Variants in DDX60 observed in about 807,000 individuals in gnomAD.
DDX60 encodes DExD/H-box helicase 60, also known as probable ATP-dependent RNA helicase DDX60.
In DDX60, 165 loss-of-function variants were observed where a neutral mutation model predicts 212.8. That is an observed-to-expected ratio of 0.78 (90% confidence interval 0.68 to 0.88). DDX60 has a LOEUF of 0.88. Ranked by LOEUF, DDX60 falls within the 40% of genes least tolerant of loss-of-function variation. DDX60 has a pLI of 0.00. For missense variants in DDX60, 1,905 were observed against 2,003.9 expected (o/e 0.95, Z 0.94); for synonymous variants, 703 against 685.3 (o/e 1.03, Z -0.40).
intron 25 of DDX60, among the ~76,000 whole-genome samples, chr4:168,258,676 T>C (rs1387265319): frequency 6.6e-6 from 1 of 152,198 alleles, no homozygotes; most frequent in Non-Finnish European, 1.5e-5. Flanking sequence ...TGAAATATTT[T>C]AGTTTTAAAA....
At chr4:168,304,757 C>T (rs1327838735) in intron 5 of DDX60, among the ~76,000 whole-genome samples, 1 of 151,808 alleles carries the variant, frequency 6.6e-6, no homozygotes, top group South Asian at 2.1e-4. Context: ...GTTTGTACAG[C>T]TGTCAAAAAA....
intron 19 of DDX60, among the ~76,000 whole-genome samples, chr4:168,270,432 G>T (rs1735039727): frequency 6.6e-6 from 1 of 152,160 alleles, no homozygotes; most frequent in Non-Finnish European, 1.5e-5. Flanking sequence ...CTTATGCTTT[G>T]CACTAGATAG....
chr4:168,258,484 A>T (rs1034855736), intron 25 of DDX60, among the ~76,000 whole-genome samples: 48 of 152,106 alleles, frequency 3.2e-4, no homozygotes, highest in Non-Finnish European at 5.6e-4. Flanking sequence ...AGGGTACACT[A>T]CTATTTGAAA....
intron 8 of DDX60, among the ~76,000 whole-genome samples, chr4:168,288,555 T>C (rs899797948): frequency 1.3e-5 from 2 of 152,194 alleles, no homozygotes; most frequent in African/African-American, 4.8e-5. Context: ...ATCAAGGAAA[T>C]CTGCATTTGA....
intron 37 of DDX60, among the ~76,000 whole-genome samples, chr4:168,219,820 T>C (rs1732986559): frequency 1.3e-5 from 2 of 152,054 alleles, no homozygotes; most frequent in South Asian, 4.2e-4. Context: ...GCAGATCACC[T>C]GAGGTCAGGA....
In DDX60 at chr4:168,268,894, C is replaced by G; in HGVS notation, c.2746G>C (p.Ala916Pro). 11 of 1,593,650 alleles carry G rather than the reference C, an allele frequency of 6.9e-6. No homozygotes were observed. Among genetic ancestry groups the G allele is most frequent in the Non-Finnish European group, 9.4e-6 (11 of 1,167,696 alleles). Residue 916 changes from alanine to proline, a missense_variant, in exon 20 of 38, where the codon GCT (alanine) becomes CCT (proline). Transcript: ENST00000393743. ...GGATTACTTATGGTAGCTGAAAGAG[C>G]CAAAAAGGGACATCGGATCATGACA... ...LLVMIRCPFL[A>P]LSATISNPEH...
intron 28 of DDX60, among the ~76,000 whole-genome samples, chr4:168,248,971 G>A (rs887929454): frequency 9.9e-5 from 15 of 152,068 alleles, no homozygotes; most frequent in Non-Finnish European, 2.2e-4. Flanking sequence ...TGTTGGCTAG[G>A]CTGGTCTTGA....
intron 33 of DDX60, among the ~76,000 whole-genome samples, chr4:168,226,191 T>C (rs1478850184): frequency 1.3e-5 from 2 of 152,162 alleles, no homozygotes. Flanking sequence ...GTTTTGGTAT[T>C]AAAGCTAACT....
intron 8 of DDX60, among the ~76,000 whole-genome samples, chr4:168,289,555 T>C (rs1044650860): frequency 1.3e-5 from 2 of 152,208 alleles, no homozygotes; most frequent in Admixed American, 6.5e-5. Context: ...TAACAATTCC[T>C]AAACTTTTAT....
chr4:168,275,207 A>T (rs1189364268), intron 16 of DDX60, 138 bp downstream of exon 16: 14 of 844,196 alleles, frequency 1.7e-5, no homozygotes, highest in Non-Finnish European at 2.2e-5. Flanking sequence ...AATAGTCCAC[A>T]TTTGACATTT....
intron 19 of DDX60, 109 bp from the exon 20 acceptor site, chr4:168,269,078 T>G (rs918486833): frequency 1.9e-5 from 10 of 540,394 alleles, no homozygotes; most frequent in Admixed American, 1.3e-4. Context: ...CCCATCGCCT[T>G]TAAGTGACCA....
chr4:168,301,580 CATAA>C (rs144482198), intron 6 of DDX60, among the ~76,000 whole-genome samples: 4,640 of 152,122 alleles, frequency 0.031, 82 homozygotes, highest in Non-Finnish European at 0.046. Flanking sequence ...TCCATACTGA[CATAA>C]ATAAACAAAT....
chr4:168,218,424 T>C (rs1732928634), intron 37 of DDX60, among the ~76,000 whole-genome samples: 1 of 152,182 alleles, frequency 6.6e-6, no homozygotes, highest in Non-Finnish European at 1.5e-5. Flanking sequence ...GAATTTTACC[T>C]CGTAAATATT....
chr4:168,285,522 G>T (rs1200599004), intron 10 of DDX60, 24 bp from the exon 11 acceptor site: 1 of 1,448,744 alleles, frequency 6.9e-7, no homozygotes, highest in Non-Finnish European at 9.5e-7. Context: ...AAAAAAAATT[G>T]AGACAAGGTC....
In DDX60 at chr4:168,251,033, C is replaced by A; in HGVS notation, c.3779G>T (p.Gly1260Val). 1 of 1,612,622 alleles carries A rather than the reference C, an allele frequency of 6.2e-7. No individual in the cohort carries two copies. Among genetic ancestry groups the A allele is most frequent in the Non-Finnish European group, 8.5e-7 (1 of 1,178,922 alleles). ...CATAGCACTGTGATGATATCCAATA[C>A]CCCTTTCTGCCAAGGCTTTCAATTC... ...GEELKALAER[G>V]IGYHHSAMSF... The change falls in exon 28 of 38, where the codon GGT becomes GTT. Residue 1260 changes from glycine (G) to valine (V), a missense_variant. Coordinates refer to ENST00000393743, the MANE Select transcript of DDX60 (RefSeq NM_017631.6).
intron 14 of DDX60, among the ~76,000 whole-genome samples, chr4:168,279,560 C>A (rs972518086): frequency 1.7e-4 from 26 of 152,172 alleles, no homozygotes; most frequent in Admixed American, 1.7e-3. Context: ...TAATTAAACC[C>A]AAAAACTATA....
intron 24 of DDX60, among the ~76,000 whole-genome samples, chr4:168,261,348 T>C (rs79896815): frequency 0.02 from 2,980 of 152,214 alleles, 115 homozygotes; most frequent in African/African-American, 0.068. Context: ...CATCCAAATA[T>C]ATTTTCAAGG....
intron 7 of DDX60, among the ~76,000 whole-genome samples, chr4:168,292,183 G>A (rs1216469968): frequency 1.3e-5 from 2 of 151,712 alleles, no homozygotes; most frequent in Admixed American, 1.3e-4. Flanking sequence ...GAGTAGCTGG[G>A]ATTATAGATA....
chr4:168,310,076 T>C (rs1392329733), intron 3 of DDX60, among the ~76,000 whole-genome samples: 1 of 152,220 alleles, frequency 6.6e-6, no homozygotes, highest in African/African-American at 2.4e-5. Context: ...ATTGATACTT[T>C]GTCCCTGAAA....
Sources: allele counts gnomAD v4.1 joint callset (sites outside exome capture counted in the v4.1 genomes callset), GRCh38; gene constraint gnomAD v4.1.1; transcripts MANE v1.5; gene names NCBI Gene and HGNC (gene_info 2026-07-23, HGNC 2026-07-21).